The following PDE4D variants were observed in gnomAD, a reference collection of about 807,000 sequenced individuals.
The protein encoded by PDE4D is phosphodiesterase 4D, also known as 3',5'-cyclic-AMP phosphodiesterase 4D.
PDE4D carries 24 observed loss-of-function variants against 87.4 expected under a neutral mutation model. The ratio of observed to expected loss-of-function variants is 0.27; its 90% CI spans 0.20 to 0.39. The LOEUF (loss-of-function observed/expected upper bound fraction) is 0.39, where lower values mean the gene tolerates loss of function less well. PDE4D is among the 10% of genes least tolerant of loss of function. The pLI is 1.00. For synonymous variants in PDE4D, 384 were observed against 383.2 expected (o/e 1.00, Z -0.02); for missense variants, 714 against 1,041.0 (o/e 0.69, Z 4.32).
At chr5:59,160,811 T>C (rs1038201449) in intron 5 of PDE4D, among the ~76,000 whole-genome samples, 1 of 152,064 alleles carries the variant, frequency 6.6e-6, no homozygotes, top group Non-Finnish European at 1.5e-5. Flanking sequence ...AAAATAGTTG[T>C]TTTTGGCCGG....
In PDE4D at chr5:59,230,545, A is replaced by G. The variant is rs894714181; in HGVS notation, c.456-14577T>C. ...CTTTGTAGAAATACTTAGCCTTAAAATATTATGTGTTAAGTATGTTAAATA... is the reference window on the plus strand; with the variant it reads ...CTTTGTAGAAATACTTAGCCTTAAAGTATTATGTGTTAAGTATGTTAAATA... On this transcript the variant is annotated intron_variant, in intron 1 of 14. Coordinates refer to ENST00000340635, the MANE Select transcript of PDE4D (RefSeq NM_001104631.2). 4.6e-5 allele frequency among the ~76,000 whole-genome samples: 7 copies of G among 152,364 alleles called. No homozygotes were observed. The East Asian group carries it at 1.3e-3, about 29-fold the overall frequency.
chr5:59,402,414 G>A (rs371889638), intron 1 of PDE4D, among the ~76,000 whole-genome samples: 40 of 152,270 alleles, frequency 2.6e-4, no homozygotes, highest in African/African-American at 9.1e-4. Context: ...TGAATCTGCT[G>A]GTCTGATTGG....
At chr5:60,307,411 A>G (rs971668001) in intron 1 of PDE4D, among the ~76,000 whole-genome samples, 3 of 152,362 alleles carry the variant, frequency 2.0e-5, no homozygotes, top group East Asian at 1.9e-4. Context: ...AGATTTTAGT[A>G]TAAGTAAATG....
At chr5:60,165,473 A>C (rs900842357) in intron 2 of PDE4D, among the ~76,000 whole-genome samples, 23 of 152,200 alleles carry the variant, frequency 1.5e-4, no homozygotes, top group Middle Eastern at 3.4e-3. Flanking sequence ...CTTTCTGCTC[A>C]ATAATACTTT....
intron 3 of PDE4D, among the ~76,000 whole-genome samples, chr5:59,974,785 T>C (rs1201233265): frequency 6.6e-6 from 1 of 152,190 alleles, no homozygotes; most frequent in African/African-American, 2.4e-5. Context: ...ATCCCCATGT[T>C]GCACTGTGAT....
At chr5:60,253,171 T>G (rs944519660) in intron 1 of PDE4D, among the ~76,000 whole-genome samples, 1 of 151,936 alleles carries the variant, frequency 6.6e-6, no homozygotes, top group African/African-American at 2.4e-5. Flanking sequence ...CTGACGGCAG[T>G]TGCTCTGCAG....
At chr5:59,992,433 T>C (rs1763110370) in intron 2 of PDE4D, among the ~76,000 whole-genome samples, 3 of 152,190 alleles carry the variant, frequency 2.0e-5, no homozygotes. Flanking sequence ...CACATATACA[T>C]GTATCCTATT....
chr5:59,535,880 C>T (rs1346229964), intron 1 of PDE4D, among the ~76,000 whole-genome samples: 6 of 152,268 alleles, frequency 3.9e-5, no homozygotes, highest in East Asian at 1.9e-4. Flanking sequence ...ATCCTAAAAT[C>T]GCTAGATGGA....
At chr5:59,749,594 T>C (rs367571732) in intron 1 of PDE4D, among the ~76,000 whole-genome samples, 12 of 152,082 alleles carry the variant, frequency 7.9e-5, no homozygotes, top group East Asian at 3.9e-4. Context: ...CCTCCAGATA[T>C]CACTCTCAAT....
intron 1 of PDE4D, among the ~76,000 whole-genome samples, chr5:59,716,689 T>A (rs1272736167): frequency 6.6e-6 from 1 of 152,218 alleles, no homozygotes; most frequent in Non-Finnish European, 1.5e-5. Context: ...TTCACAAATA[T>A]CCATTGAGTT....
At chr5:60,377,132 A>G (rs1460419214) in intron 1 of PDE4D, among the ~76,000 whole-genome samples, 3 of 152,198 alleles carry the variant, frequency 2.0e-5, no homozygotes, top group African/African-American at 7.2e-5. Context: ...CTGTGAGCTC[A>G]CTGTGCTTCT....
chr5:60,197,886 G>A (rs1484114290), intron 1 of PDE4D, among the ~76,000 whole-genome samples: 1 of 151,600 alleles, frequency 6.6e-6, no homozygotes, highest in Non-Finnish European at 1.5e-5. Context: ...GCAAGGGAAT[G>A]AGCCCACTGT....
intron 3 of PDE4D, among the ~76,000 whole-genome samples, chr5:59,186,784 CAT>C (rs1743016965): frequency 6.6e-6 from 1 of 152,170 alleles, no homozygotes; most frequent in South Asian, 2.1e-4. Flanking sequence ...CTCATTATCT[CAT>C]ATAAACAACC....
intron 1 of PDE4D, among the ~76,000 whole-genome samples, chr5:60,424,083 T>C (rs973586208): frequency 1.3e-5 from 2 of 152,192 alleles, no homozygotes; most frequent in Non-Finnish European, 2.9e-5. Context: ...ACCCGATGGA[T>C]TCACAGCTGA....
intron 1 of PDE4D, among the ~76,000 whole-genome samples, chr5:59,241,900 T>C (rs1757759378): frequency 6.6e-6 from 1 of 152,210 alleles, no homozygotes; most frequent in Non-Finnish European, 1.5e-5. Context: ...ACAAATTGAA[T>C]AGTACTTAAA....
intron 1 of PDE4D, among the ~76,000 whole-genome samples, chr5:59,573,269 T>A (rs1583176813): frequency 6.6e-6 from 1 of 152,316 alleles, no homozygotes; most frequent in East Asian, 1.9e-4. Flanking sequence ...GATAATTTCC[T>A]AAAGGCTGGG....
At chr5:59,679,013 T>C (rs745522576) in intron 1 of PDE4D, among the ~76,000 whole-genome samples, 4 of 152,218 alleles carry the variant, frequency 2.6e-5, no homozygotes, top group Non-Finnish European at 5.9e-5. Context: ...CTATTTCTAG[T>C]AAATTGTCAA....
chr5:60,362,464 G>A (rs914368744), intron 1 of PDE4D, among the ~76,000 whole-genome samples: 4 of 152,164 alleles, frequency 2.6e-5, no homozygotes, highest in Non-Finnish European at 5.9e-5. Flanking sequence ...GATTGATGAG[G>A]ATTAAATCTC....
chr5:59,893,482 C>G lies in PDE4D; in HGVS notation c.141G>C (p.Gln47His), dbSNP rs1469593065. 1.6e-5 allele frequency: 24 copies of G among 1,539,184 alleles called. No homozygotes were observed. Among genetic ancestry groups the G allele is most frequent in the Non-Finnish European group, 1.9e-5 (22 of 1,141,874 alleles). ...QHHQYPLRQP[Q>H]FRLLHPHHHL... ...GGTGATGGGGATGCAGGAGGCGGAA[C>G]TGGGGCTGCCGGAGCGGGTACTGGT... The change falls in exon 1 of 15, where the codon CAG (glutamine) becomes CAC (histidine). Residue 47 changes from glutamine to histidine, a missense_variant. By Grantham distance (24) the Gln-to-His change is conservative (BLOSUM62 0). This residue lies in a region of PDE4D where 268 missense variants were observed against 272.9 expected (regional missense o/e 0.98). Transcript: ENST00000340635.
Sources: allele counts gnomAD v4.1 joint callset (sites outside exome capture counted in the v4.1 genomes callset), GRCh38; gene constraint gnomAD v4.1.1; regional missense constraint gnomAD v4.1.1; transcripts MANE v1.5; gene names NCBI Gene and HGNC (gene_info 2026-07-23, HGNC 2026-07-21).